PTPRT: variants seen among roughly 807,000 people sequenced by gnomAD.
PTPRT encodes protein tyrosine phosphatase receptor type T, also known as receptor-type tyrosine-protein phosphatase T.
Under a neutral mutation model 176.8 loss-of-function variants are expected in PTPRT, and 56 were observed. That is an observed-to-expected ratio of 0.32 (90% CI 0.26 to 0.40). The LOEUF is 0.40. Ranked by LOEUF, PTPRT falls within the 10% of genes least tolerant of loss-of-function variation. The pLI, the probability that PTPRT is intolerant of heterozygous loss-of-function variation, is 1.00. For missense variants in PTPRT, 1,540 were observed against 1,908.2 expected (o/e 0.81, Z 3.60); for synonymous variants, 783 against 739.0 (o/e 1.06, Z -0.96).
chr20:42,046,979 T>C, the PTPRT span, among the ~76,000 whole-genome samples: 2 of 152,212 alleles, frequency 1.3e-5, no homozygotes, highest in Non-Finnish European at 2.9e-5. Flanking sequence ...CCTGATACTT[T>C]CACTGTGTTA....
At chr20:42,436,022 G>C (rs2059259195) in intron 9 of PTPRT, among the ~76,000 whole-genome samples, 1 of 152,102 alleles carries the variant, frequency 6.6e-6, no homozygotes, top group Admixed American at 6.6e-5. Context: ...CTGTAAAAAG[G>C]ACTTGGATAA....
chr20:42,285,985 A>C (rs1354942138), intron 12 of PTPRT, among the ~76,000 whole-genome samples: 1 of 151,988 alleles, frequency 6.6e-6, no homozygotes, highest in Non-Finnish European at 1.5e-5. Flanking sequence ...TCTCATTTAT[A>C]ATAACTACCA....
intron 14 of PTPRT, among the ~76,000 whole-genome samples, chr20:42,244,431 C>A (rs1225969672): frequency 6.6e-6 from 1 of 152,112 alleles, no homozygotes; most frequent in East Asian, 1.9e-4. Flanking sequence ...ACGAGCTGGG[C>A]AGGGGAGCAG....
At chr20:42,403,684 A>G (rs1308876848) in intron 9 of PTPRT, among the ~76,000 whole-genome samples, 1 of 152,166 alleles carries the variant, frequency 6.6e-6, no homozygotes, top group Non-Finnish European at 1.5e-5. Flanking sequence ...AGATCTGTAG[A>G]CAAAGTCCTG....
At chr20:42,545,881 T>C (rs79762198) in intron 7 of PTPRT, among the ~76,000 whole-genome samples, 1 of 152,186 alleles carries the variant, frequency 6.6e-6, no homozygotes, top group Non-Finnish European at 1.5e-5. Flanking sequence ...TGTTTCTAAG[T>C]GTGTGTCTTC....
intron 15 of PTPRT, among the ~76,000 whole-genome samples, chr20:42,232,204 C>T (rs73268883): frequency 0.014 from 2,187 of 152,262 alleles, 46 homozygotes; most frequent in African/African-American, 0.051. Flanking sequence ...ATTGAAGAGA[C>T]TGGTGAGCCA....
chr20:42,263,802 G>T (rs1485415021), intron 13 of PTPRT, among the ~76,000 whole-genome samples: 1 of 151,888 alleles, frequency 6.6e-6, no homozygotes, highest in Non-Finnish European at 1.5e-5. Context: ...GGGATTATGG[G>T]TGTGGAGCCA....
chr20:43,142,804 C>A (rs768871524), intron 1 of PTPRT, among the ~76,000 whole-genome samples: 1 of 152,222 alleles, frequency 6.6e-6, no homozygotes, highest in Non-Finnish European at 1.5e-5. Context: ...GGCATGGTAA[C>A]TGCCCAGTGG....
At chr20:42,447,406 G>C (rs931622648) in intron 9 of PTPRT, among the ~76,000 whole-genome samples, 2 of 151,986 alleles carry the variant, frequency 1.3e-5, no homozygotes, top group Non-Finnish European at 2.9e-5. Flanking sequence ...CATCATTCCA[G>C]CTTCGGTATC....
chr20:42,253,163 G>A (rs2056576938), intron 13 of PTPRT, among the ~76,000 whole-genome samples: 1 of 152,186 alleles, frequency 6.6e-6, no homozygotes, highest in South Asian at 2.1e-4. Context: ...TTTTGTGGCA[G>A]AGTCAGGTGT....
At chr20:42,916,226 G>A (rs1286682383) in intron 1 of PTPRT, among the ~76,000 whole-genome samples, 2 of 147,834 alleles carry the variant, frequency 1.4e-5, no homozygotes, top group Non-Finnish European at 3.0e-5. Flanking sequence ...TTGGTTTTAT[G>A]TCCTTGCGAT....
rs558891081 is a variant in PTPRT, at chr20:42,312,895, A to T, written c.2139+2828T>A. 2.0e-4 allele frequency among the ~76,000 whole-genome samples: 29 copies of T among 145,402 alleles called. No individual in the cohort carries two copies. In the South Asian group the frequency reaches 6.5e-3, roughly 33 times the overall value. On this transcript the variant is annotated intron_variant, in intron 12 of 30. Transcript: ENST00000373187. ...TGATGTTTGGGGAGCAAACTGTCGG[A>T]GGCATTTGAACCTGAGCAACTCCAT...
chr20:42,162,307 G>A (rs546992992), intron 16 of PTPRT, among the ~76,000 whole-genome samples: 55 of 152,218 alleles, frequency 3.6e-4, no homozygotes, highest in African/African-American at 1.0e-3. Context: ...ATGTCTCATC[G>A]CCTTCATAAA....
At chr20:42,398,566 A>G (rs563550572) in intron 9 of PTPRT, among the ~76,000 whole-genome samples, 4 of 152,320 alleles carry the variant, frequency 2.6e-5, no homozygotes, top group African/African-American at 9.6e-5. Context: ...AATAGCATGT[A>G]TATCAGAATT....
chr20:43,050,905 T>G (rs1429042180), intron 1 of PTPRT, among the ~76,000 whole-genome samples: 4 of 152,184 alleles, frequency 2.6e-5, no homozygotes, highest in Non-Finnish European at 5.9e-5. Flanking sequence ...TGATAGGTTC[T>G]AAGATGAGAA....
At chr20:42,878,495 A>G (rs905685309) in intron 2 of PTPRT, among the ~76,000 whole-genome samples, 1 of 152,212 alleles carries the variant, frequency 6.6e-6, no homozygotes, top group Non-Finnish European at 1.5e-5. Context: ...TGACAACAGT[A>G]CCATGTCTGC....
chr20:42,732,540 C>T (rs2146267201), intron 6 of PTPRT, among the ~76,000 whole-genome samples: 1 of 152,318 alleles, frequency 6.6e-6, no homozygotes, highest in Non-Finnish European at 1.5e-5. Context: ...TGACATCTAA[C>T]ATGAGCTTTG....
At chr20:42,184,587 T>G (rs1366434186) in intron 16 of PTPRT, among the ~76,000 whole-genome samples, 3 of 142,930 alleles carry the variant, frequency 2.1e-5, no homozygotes, top group African/African-American at 8.0e-5. Flanking sequence ...TTCTTCTTCT[T>G]CTTCTTCCTC....
chr20:43,015,765 T>G (rs1362816916), intron 1 of PTPRT, among the ~76,000 whole-genome samples: 1 of 152,160 alleles, frequency 6.6e-6, no homozygotes, highest in Non-Finnish European at 1.5e-5. Context: ...TTCCAGAGAC[T>G]GGTGTCCTCA....
Sources: allele counts gnomAD v4.1 joint callset (sites outside exome capture counted in the v4.1 genomes callset), GRCh38; gene constraint gnomAD v4.1.1; transcripts MANE v1.5; gene names NCBI Gene and HGNC (gene_info 2026-07-23, HGNC 2026-07-21).